The following NUP50 variants were observed in gnomAD, a reference collection of about 807,000 sequenced individuals.
NUP50 encodes nucleoporin 50.
A neutral mutation model predicts 36.8 loss-of-function variants in NUP50; 14 were observed. The observed-to-expected ratio is 0.38, with a 90% CI of 0.25 to 0.59. The LOEUF (loss-of-function observed/expected upper bound fraction) is 0.59. NUP50 is among the 20% of genes least tolerant of loss of function. The pLI is 0.63. For missense variants in NUP50, 455 were observed against 564.6 expected (o/e 0.81, Z 1.97); for synonymous variants, 195 against 210.8 (o/e 0.93, Z 0.65).
At chr22:45,179,636 G>C (rs1325417292) in intron 5 of NUP50, among the ~76,000 whole-genome samples, 1 of 152,220 alleles carries the variant, frequency 6.6e-6, no homozygotes, top group Non-Finnish European at 1.5e-5. Context: ...TGTAATCCCA[G>C]CACTTCGGGA....
chr22:45,175,727 A>G (rs562871273), intron 3 of NUP50, 167 bp from the exon 4 acceptor site: 8 of 575,902 alleles, frequency 1.4e-5, no homozygotes, highest in South Asian at 7.3e-5. Flanking sequence ...TATGAATACA[A>G]TCTTCCCATC....
At chr22:45,176,959 C>A (rs1212264414) in intron 4 of NUP50, among the ~76,000 whole-genome samples, 1 of 152,134 alleles carries the variant, frequency 6.6e-6, no homozygotes, top group African/African-American at 2.4e-5. Flanking sequence ...CCAGGATGGT[C>A]TTGATCTCTT....
intron 4 of NUP50, among the ~76,000 whole-genome samples, 173 bp downstream of exon 4, chr22:45,176,253 G>C (rs193228685): frequency 9.6e-4 from 146 of 152,362 alleles, no homozygotes; most frequent in African/African-American, 3.4e-3. Context: ...GAGTAAGTGG[G>C]TAGAGCACAG....
chr22:45,172,406 TG>T (rs1217384019), intron 3 of NUP50, among the ~76,000 whole-genome samples: 1 of 152,096 alleles, frequency 6.6e-6, no homozygotes, highest in Admixed American at 6.5e-5. Context: ...GTCTCTAATC[TG>T]GAAATCCAAA....
At chr22:45,179,882 C>T (rs1334037421) in intron 5 of NUP50, among the ~76,000 whole-genome samples, 1 of 152,116 alleles carries the variant, frequency 6.6e-6, no homozygotes, top group Non-Finnish European at 1.5e-5. Context: ...CTTGCCTCAA[C>T]AAAAGAAAAA....
In NUP50 at chr22:45,171,665, C is replaced by T; in HGVS notation, c.135C>T (p.Arg45=). ...ATAGAGCCATAAAGAAAGCAAAGCGCAGAAATGTTGGATTTGAAGTGAGTG... is the reference window on the plus strand; with the variant it reads ...ATAGAGCCATAAAGAAAGCAAAGCGTAGAAATGTTGGATTTGAAGTGAGTG... ...LKNRAIKKAK[R]RNVGFESDTG... is the part of the protein sequence containing the mutation. The change falls in exon 3 of 8, where the codon CGC becomes CGT. Residue 45 remains arginine, a synonymous_variant. Coordinates refer to ENST00000347635, the MANE Select transcript of NUP50 (RefSeq NM_007172.4). The T allele has an allele frequency of 6.2e-7, 1 of 1,614,074 alleles. No homozygotes were observed. Among genetic ancestry groups the T allele is most frequent in the South Asian group, 1.1e-5 (1 of 91,086 alleles).
intron 2 of NUP50, among the ~76,000 whole-genome samples, chr22:45,168,825 G>T (rs1274183169): frequency 6.6e-6 from 1 of 151,718 alleles, no homozygotes; most frequent in Non-Finnish European, 1.5e-5. Context: ...CTCCCCTGAG[G>T]AAATCTGATC....
intron 1 of NUP50, among the ~76,000 whole-genome samples, chr22:45,167,810 A>G (rs927567330): frequency 7.2e-5 from 11 of 152,232 alleles, no homozygotes; most frequent in Non-Finnish European, 1.5e-4. Context: ...TATGCGTAGA[A>G]TAAGTTAAGG....
At chr22:45,182,560 G>A (rs1033489201) in intron 6 of NUP50, among the ~76,000 whole-genome samples, 5 of 150,336 alleles carry the variant, frequency 3.3e-5, no homozygotes, top group African/African-American at 1.2e-4. Flanking sequence ...CCCTACCCAA[G>A]AATGTTTTCC....
chr22:45,174,524 C>CT (rs933882390), intron 3 of NUP50, among the ~76,000 whole-genome samples: 1 of 151,996 alleles, frequency 6.6e-6, no homozygotes, highest in African/African-American at 2.4e-5. Flanking sequence ...TTCTGAATAT[C>CT]TTTTTTTTGT....
At chr22:45,182,126 A>AG (rs1206344169) in intron 6 of NUP50, among the ~76,000 whole-genome samples, 5 of 150,466 alleles carry the variant, frequency 3.3e-5, no homozygotes, top group African/African-American at 1.2e-4. Context: ...CCCAACTTTA[A>AG]GATTTTTTTT....
intron 5 of NUP50, among the ~76,000 whole-genome samples, chr22:45,179,898 C>T (rs2074338954): frequency 6.6e-6 from 1 of 152,180 alleles, no homozygotes; most frequent in South Asian, 2.1e-4. Context: ...AAAAAGTGTA[C>T]TTCTCAGACA....
At chr22:45,183,586 T>A in intron 7 of NUP50, 66 bp downstream of exon 7, 1 of 977,636 alleles carries the variant, frequency 1.0e-6, no homozygotes, top group Non-Finnish European at 1.7e-6. Context: ...TTTACCCTGC[T>A]GACTCAAGGT....
intron 2 of NUP50, among the ~76,000 whole-genome samples, chr22:45,168,762 T>G (rs1320966510): frequency 1.2e-4 from 19 of 152,166 alleles, no homozygotes; most frequent in Admixed American, 1.2e-3. Context: ...ATTGCATTTA[T>G]AGGAATAGAA....
Position 45,178,373 on chromosome 22 carries a change from A to G in NUP50, c.476A>G (p.Gln159Arg). The G allele has an allele frequency of 6.2e-7, 1 of 1,614,000 alleles. No individual in the cohort carries two copies. Among genetic ancestry groups the G allele is most frequent in the Non-Finnish European group, 8.5e-7 (1 of 1,179,852 alleles). Residue 159 changes from glutamine (Q) to arginine (R), a missense_variant, in exon 5 of 8, where the codon CAG becomes CGG. Physicochemically the swap from Gln to Arg is conservative, Grantham distance 43. Transcript: ENST00000347635. ...TGTGTCGGAAATGCCTATCACAAGC[A>G]GTTGGCCGCCTTGAACTGCTCCGTG... Reference protein sequence around the residue: ...KACVGNAYHKQLAALNCSVRD... With the variant: ...KACVGNAYHKRLAALNCSVRD...
rs867928851 is a variant in NUP50 at position 45,171,410 on chromosome 22, A to G, written c.70-190A>G. Among the ~76,000 whole-genome samples, 4 of 152,236 alleles carry G rather than the reference A, an allele frequency of 2.6e-5. No individual in the cohort carries two copies. The Middle Eastern group carries it at 0.01, about 388-fold the overall frequency. On this transcript the variant is annotated intron_variant, in intron 2 of 7. Coordinates refer to ENST00000347635, the MANE Select transcript of NUP50 (RefSeq NM_007172.4). ...GACAGAGTTTCACCATGTTGGCCAGACTGGTCTCAAACTCCTGACCTTTGG... is the reference window on the plus strand; with the variant it reads ...GACAGAGTTTCACCATGTTGGCCAGGCTGGTCTCAAACTCCTGACCTTTGG...
intron 5 of NUP50, 117 bp downstream of exon 5, chr22:45,179,017 C>A: frequency 1.1e-6 from 1 of 947,734 alleles, no homozygotes; most frequent in Non-Finnish European, 1.6e-6. Flanking sequence ...TTGTTCTCTC[C>A]ATGTGTGATC....
At chr22:45,181,479 C>G (rs2074371377) in intron 6 of NUP50, 112 bp downstream of exon 6, 1 of 558,662 alleles carries the variant, frequency 1.8e-6, no homozygotes, top group African/African-American at 2.2e-5. Flanking sequence ...CGGGGTCAAG[C>G]TTTGCCTGCT....
At position 45,185,930 on chromosome 22, in the gene NUP50, C is replaced by T. The variant is rs188112978; in HGVS notation, c.*1275C>T. 4.4e-4 allele frequency: 67 copies of T among 152,350 alleles called. No homozygotes were observed. The highest frequency in any genetic ancestry group is 1.6e-3 in the African/African-American group (66 of 41,568). The allele number at this position is 152,350 out of a possible 1,614,324, so 9.4% of individuals were successfully genotyped here. A position where few individuals can be genotyped will look rare whatever the true frequency, so the allele number is the denominator to read the frequency against. On this transcript the variant is annotated 3_prime_UTR_variant, in exon 8 of 8. Transcript: ENST00000347635. ...TTGTGTACAGGCTCAGGGTCAGTGC[C>T]CAAGGGCTCCCGCGTGTGTGTTCTG... is the stretch of plus-strand genomic sequence containing the variant.
Sources: gnomAD v4.1 joint callset for allele counts (sites outside exome capture counted in the v4.1 genomes callset) on GRCh38, gnomAD v4.1.1 for gene constraint, MANE v1.5 for transcripts, NCBI Gene and HGNC (gene_info 2026-07-23, HGNC 2026-07-21) for gene names.